Variants in SLC25A21 observed in about 807,000 individuals in gnomAD.
The protein encoded by SLC25A21 is mitochondrial 2-oxodicarboxylate carrier.
Under a neutral mutation model 43.8 loss-of-function variants are expected in SLC25A21, and 47 were observed. That is an observed-to-expected ratio of 1.07 (90% CI 0.85 to 1.37). The LOEUF is 1.37. Ranked by LOEUF, SLC25A21 falls within the 40% of genes most tolerant of loss-of-function variation. The pLI, the probability that SLC25A21 is intolerant of heterozygous loss-of-function variation, is 0.00. For synonymous variants in SLC25A21, 131 were observed against 121.3 expected, an observed-to-expected ratio of 1.08 and a Z score of -0.52; for missense variants, 352 against 350.2, an observed-to-expected ratio of 1.00 and a Z score of -0.04.
intron 1 of SLC25A21, among the ~76,000 whole-genome samples, chr14:37,136,348 G>A (rs1194985222): frequency 6.6e-6 from 1 of 152,130 alleles, no homozygotes; most frequent in East Asian, 1.9e-4. Context: ...GCCTAAGTAT[G>A]ATTATGCACA....
At chr14:36,934,851 G>C (rs553221285) in intron 1 of SLC25A21, among the ~76,000 whole-genome samples, 1 of 152,110 alleles carries the variant, frequency 6.6e-6, no homozygotes, top group South Asian at 2.1e-4. Flanking sequence ...ATGTTTTCCA[G>C]GTACTATTTC....
intron 1 of SLC25A21, among the ~76,000 whole-genome samples, chr14:36,887,941 A>G (rs1566711643): frequency 1.3e-5 from 2 of 152,130 alleles, no homozygotes; most frequent in Non-Finnish European, 2.9e-5. Flanking sequence ...CCCTCCAGAG[A>G]CGTGCTGAAG....
intron 1 of SLC25A21, among the ~76,000 whole-genome samples, chr14:37,099,599 C>A (rs1018135741): frequency 6.6e-6 from 1 of 152,010 alleles, no homozygotes; most frequent in African/African-American, 2.4e-5. Flanking sequence ...CCCCCGCCAC[C>A]GACTCCCCCT....
At chr14:36,967,840 G>A (rs1434550514) in intron 1 of SLC25A21, among the ~76,000 whole-genome samples, 2 of 152,162 alleles carry the variant, frequency 1.3e-5, no homozygotes, top group East Asian at 3.9e-4. Flanking sequence ...ACTTGTGTGT[G>A]TGTGTGTGTC....
chr14:36,770,328 T>C (rs1025727762), intron 3 of SLC25A21, among the ~76,000 whole-genome samples: 1 of 152,068 alleles, frequency 6.6e-6, no homozygotes, highest in African/African-American at 2.4e-5. Context: ...TTAGTACTCA[T>C]GGACATAAAG....
intron 1 of SLC25A21, among the ~76,000 whole-genome samples, chr14:36,994,601 G>A (rs576681273): frequency 6.6e-6 from 1 of 152,264 alleles, no homozygotes; most frequent in Non-Finnish European, 1.5e-5. Flanking sequence ...TAGGCAGAGT[G>A]GGAGCCTAGG....
intron 1 of SLC25A21, among the ~76,000 whole-genome samples, chr14:37,125,773 A>G (rs1963286799): frequency 6.6e-6 from 1 of 152,202 alleles, no homozygotes; most frequent in Non-Finnish European, 1.5e-5. Context: ...ATTGTCTAGC[A>G]CAGCGGGAAG....
intron 1 of SLC25A21, among the ~76,000 whole-genome samples, chr14:36,947,310 A>T (rs1892700505): frequency 1.3e-5 from 2 of 152,230 alleles, no homozygotes; most frequent in African/African-American, 4.8e-5. Context: ...TCTGAAAGAA[A>T]ACCAGAGAAG....
At chr14:36,869,983 G>C (rs919453630) in intron 2 of SLC25A21, among the ~76,000 whole-genome samples, 8 of 152,100 alleles carry the variant, frequency 5.3e-5, no homozygotes, top group African/African-American at 1.9e-4. Context: ...AAACATTTAG[G>C]AAGACATTGC....
At chr14:37,119,087 G>A (rs1026335141) in intron 1 of SLC25A21, among the ~76,000 whole-genome samples, 1 of 152,060 alleles carries the variant, frequency 6.6e-6, no homozygotes, top group African/African-American at 2.4e-5. Context: ...ATAATGCATT[G>A]GCTTGCTAAA....
chr14:36,923,753 T>C (rs1384959243), intron 1 of SLC25A21, among the ~76,000 whole-genome samples: 2 of 152,064 alleles, frequency 1.3e-5, no homozygotes, highest in Non-Finnish European at 2.9e-5. Flanking sequence ...TTTTTAAAAA[T>C]AGCAATACAA....
At chr14:36,684,963 C>G (rs766184073) in intron 7 of SLC25A21, 38 bp from the exon 8 acceptor site, 2 of 1,552,210 alleles carry the variant, frequency 1.3e-6, no homozygotes, top group African/African-American at 2.8e-5. Flanking sequence ...GAAAGGGGAG[C>G]GGAAGCCCCT....
intron 1 of SLC25A21, among the ~76,000 whole-genome samples, chr14:37,076,053 C>T (rs1402034515): frequency 6.6e-6 from 1 of 152,198 alleles, no homozygotes; most frequent in Non-Finnish European, 1.5e-5. Flanking sequence ...CTCTGGCTCT[C>T]CCCTAAGCTC....
intron 1 of SLC25A21, among the ~76,000 whole-genome samples, chr14:36,986,126 C>A (rs1960139673): frequency 6.6e-6 from 1 of 152,120 alleles, no homozygotes; most frequent in Non-Finnish European, 1.5e-5. Flanking sequence ...CAACTGAAAT[C>A]TCTCAGGCAC....
intron 3 of SLC25A21, among the ~76,000 whole-genome samples, chr14:36,742,727 T>C (rs2139243375): frequency 6.6e-6 from 1 of 152,296 alleles, no homozygotes; most frequent in Non-Finnish European, 1.5e-5. Flanking sequence ...CATTCTAACA[T>C]AAAACTAACA....
intron 2 of SLC25A21, among the ~76,000 whole-genome samples, chr14:36,856,762 T>G (rs185388631): frequency 6.6e-6 from 1 of 152,272 alleles, no homozygotes; most frequent in African/African-American, 2.4e-5. Flanking sequence ...GAACTGGGCT[T>G]GATTGTGGGG....
At chr14:36,722,617 T>TA (rs1884420512) in intron 6 of SLC25A21, among the ~76,000 whole-genome samples, 1 of 152,180 alleles carries the variant, frequency 6.6e-6, no homozygotes, top group Non-Finnish European at 1.5e-5. Flanking sequence ...GAAAAATGAA[T>TA]ATACTGGGTT....
intron 3 of SLC25A21, among the ~76,000 whole-genome samples, chr14:36,791,975 C>T (rs1012711877): frequency 1.3e-5 from 2 of 152,094 alleles, no homozygotes; most frequent in Non-Finnish European, 2.9e-5. Context: ...TGAAAATTCA[C>T]TGTATACTTA....
At chr14:36,891,648 A>G (rs753323903) in intron 1 of SLC25A21, among the ~76,000 whole-genome samples, 3 of 151,874 alleles carry the variant, frequency 2.0e-5, no homozygotes, top group Non-Finnish European at 4.4e-5. Flanking sequence ...CTTTTTTTTC[A>G]TGTTTCATGA....
Sources: gnomAD v4.1 joint callset for allele counts (sites outside exome capture counted in the v4.1 genomes callset) on GRCh38, gnomAD v4.1.1 for gene constraint, MANE v1.5 for transcripts, NCBI Gene and HGNC (gene_info 2026-07-23, HGNC 2026-07-21) for gene names.